The following B4GALNT3 variants were observed in gnomAD, a reference collection of about 807,000 sequenced individuals.
B4GALNT3 encodes the protein beta-1,4-N-acetyl-galactosaminyltransferase 3.
A neutral mutation model predicts 120.2 loss-of-function variants in B4GALNT3; 86 were observed. The ratio of observed to expected loss-of-function variants is 0.72; its 90% confidence interval spans 0.60 to 0.86. The LOEUF (loss-of-function observed/expected upper bound fraction) is 0.86. Ranked by LOEUF, B4GALNT3 falls within the 40% of genes least tolerant of loss-of-function variation. The pLI, the probability that B4GALNT3 is intolerant of heterozygous loss-of-function variation, is 0.00. For synonymous variants in B4GALNT3, 518 were observed against 510.4 expected (o/e 1.01, Z -0.20); for missense variants, 1,167 against 1,298.9 (o/e 0.90, Z 1.56).
chr12:511,263 C>CCTTCCACCGTCGACCTT (rs1946547945), intron 1 of B4GALNT3, among the ~76,000 whole-genome samples: 2 of 149,532 alleles, frequency 1.3e-5, no homozygotes, highest in South Asian at 4.3e-4. Context: ...CTGCCTTCCG[C>CCTTCCACCGTCGACCTT]CTTCCACCTT....
At chr12:514,816 G>C (rs1946636989) in intron 1 of B4GALNT3, among the ~76,000 whole-genome samples, 1 of 151,956 alleles carries the variant, frequency 6.6e-6, no homozygotes, top group African/African-American at 2.4e-5. Flanking sequence ...ATCACCTGAG[G>C]TCAGGAGCTC....
intron 1 of B4GALNT3, among the ~76,000 whole-genome samples, chr12:494,708 C>T (rs1318199184): frequency 6.6e-6 from 1 of 152,048 alleles, no homozygotes; most frequent in Non-Finnish European, 1.5e-5. Flanking sequence ...ACAGATTGTC[C>T]CCTTGTCACC....
intron 14 of B4GALNT3, among the ~76,000 whole-genome samples, chr12:554,562 G>A (rs559358198): frequency 2.2e-4 from 33 of 150,262 alleles, no homozygotes; most frequent in African/African-American, 7.1e-4. Flanking sequence ...AGGCCGAGGC[G>A]GGCGGATCAC....
At chr12:483,236 A>G (rs190009560) in intron 1 of B4GALNT3, among the ~76,000 whole-genome samples, 2 of 152,200 alleles carry the variant, frequency 1.3e-5, no homozygotes, top group African/African-American at 2.4e-5. Flanking sequence ...AAACCATCCT[A>G]TATATTCCTT....
chr12:478,845 C>T (rs923862866), intron 1 of B4GALNT3, among the ~76,000 whole-genome samples: 16 of 152,188 alleles, frequency 1.1e-4, no homozygotes, highest in African/African-American at 3.9e-4. Context: ...GCTGTGGTTA[C>T]CTTCAGGATC....
At chr12:534,945 G>T (rs969603074) in intron 1 of B4GALNT3, among the ~76,000 whole-genome samples, 1 of 152,210 alleles carries the variant, frequency 6.6e-6, no homozygotes, top group Non-Finnish European at 1.5e-5. Flanking sequence ...TCTGGAAGGC[G>T]GTGACTGCTG....
At chr12:488,149 GAAAAA>G (rs200210120) in intron 1 of B4GALNT3, among the ~76,000 whole-genome samples, 1 of 127,592 alleles carries the variant, frequency 7.8e-6, no homozygotes. Context: ...CTGAGAAGAA[GAAAAA>G]AAAAAAAAAC....
rs143549927 is a variant in B4GALNT3 at position 515,607 on chromosome 12, G to A, written c.170-19559G>A. On this transcript the variant is annotated intron_variant, in intron 1 of 19. Coordinates refer to ENST00000266383, the MANE Select transcript of B4GALNT3 (RefSeq NM_173593.4). ...TAGCTCTTATTGTTTTTATCATCTC[G>A]TATTTATCGAATATTTACCGTATGC... Among the ~76,000 whole-genome samples, 485 of 152,126 alleles carry A rather than the reference G, an allele frequency of 3.2e-3. 1 individual carries two copies. The highest frequency in any genetic ancestry group is 0.011 in the African/African-American group (455 of 41,518).
At chr12:491,756 A>C (rs951059486) in intron 1 of B4GALNT3, among the ~76,000 whole-genome samples, 1 of 152,094 alleles carries the variant, frequency 6.6e-6, no homozygotes, top group Non-Finnish European at 1.5e-5. Flanking sequence ...TCCCATTGAA[A>C]TCAGGAACAA....
intron 3 of B4GALNT3, among the ~76,000 whole-genome samples, chr12:540,727 G>GT (rs767885295): frequency 6.6e-6 from 1 of 151,874 alleles, no homozygotes; most frequent in African/African-American, 2.4e-5. Context: ...AGCTTCAGAG[G>GT]TTTTTTTTCT....
rs7315427 is a variant in B4GALNT3 at position 555,985 on chromosome 12, A to T, written c.2061-562A>T. Among the ~76,000 whole-genome samples, 18 of 150,882 alleles carry T rather than the reference A, an allele frequency of 1.2e-4. No individual in the cohort carries two copies. In the East Asian group the frequency reaches 2.9e-3, roughly 24 times the overall value. On this transcript the variant is annotated intron_variant, in intron 14 of 19. Transcript: ENST00000266383. ...TTTTTAGTAGAGACAGGGTTTCACC[A>T]TATTAGCCAGGCTGGTCTTGATCTC...
intron 16 of B4GALNT3, 28 bp downstream of exon 16, chr12:557,789 G>A: frequency 6.3e-7 from 1 of 1,587,550 alleles, no homozygotes; most frequent in Non-Finnish European, 8.5e-7. Context: ...CCAGGGGGTG[G>A]CATGGGCCAC....
intron 19 of B4GALNT3, among the ~76,000 whole-genome samples, chr12:560,262 TG>T (rs1448916239): frequency 6.6e-6 from 1 of 152,094 alleles, no homozygotes; most frequent in Non-Finnish European, 1.5e-5. Flanking sequence ...TCAGGAGCAC[TG>T]GGGGCGGGAC....
At chr12:478,303 A>G (rs1181171088) in intron 1 of B4GALNT3, among the ~76,000 whole-genome samples, 1 of 151,578 alleles carries the variant, frequency 6.6e-6, no homozygotes. Flanking sequence ...AAAAATATTC[A>G]AGCCTGATTT....
In B4GALNT3 at chr12:535,225, G is replaced by C; in HGVS notation, c.229G>C (p.Asp77His). The change falls in exon 2 of 20, where the codon GAT becomes CAT. Residue 77 changes from aspartate (D) to histidine (H), a missense_variant. This residue lies in a region of B4GALNT3 where 171 missense variants were observed against 161.3 expected (regional missense o/e 1.06). Transcript: ENST00000266383. ...GGCCAGCAGGAACATTCCAGCTGTG[G>C]ATCCACACCTCCAGTTCTACCATCC... ...ALASRNIPAV[D>H]PHLQFYHPQR... 1 of 1,613,974 alleles carries C rather than the reference G, an allele frequency of 6.2e-7. No individual in the cohort carries two copies. Among genetic ancestry groups the C allele is most frequent in the Non-Finnish European group, 8.5e-7 (1 of 1,179,998 alleles).
chr12:506,024 T>C (rs938195213), intron 1 of B4GALNT3, among the ~76,000 whole-genome samples: 1 of 152,228 alleles, frequency 6.6e-6, no homozygotes. Flanking sequence ...ACCCGATTTG[T>C]CTGTCTCATT....
At chr12:467,508 A>G (rs4980825) in intron 1 of B4GALNT3, among the ~76,000 whole-genome samples, 12,021 of 152,260 alleles carry the variant, frequency 0.079, 1,014 homozygotes, top group East Asian at 0.31. Flanking sequence ...GCAGTGAGCC[A>G]AGATGGCGCC....
intron 1 of B4GALNT3, among the ~76,000 whole-genome samples, chr12:477,422 T>C (rs1207210045): frequency 6.6e-6 from 1 of 152,224 alleles, no homozygotes; most frequent in Non-Finnish European, 1.5e-5. Context: ...ATCCATGCAC[T>C]GACACCCTGC....
At chr12:556,896 C>G in intron 15 of B4GALNT3, 30 bp downstream of exon 15, 1 of 1,579,038 alleles carries the variant, frequency 6.3e-7, no homozygotes, top group East Asian at 2.3e-5. Context: ...TCGGCATTCT[C>G]AGGGGCGGGG....
Sources: allele counts gnomAD v4.1 joint callset (sites outside exome capture counted in the v4.1 genomes callset), GRCh38; gene constraint gnomAD v4.1.1; regional missense constraint gnomAD v4.1.1; transcripts MANE v1.5; gene names NCBI Gene and HGNC (gene_info 2026-07-23, HGNC 2026-07-21).